The following CSMD1 variants were observed in gnomAD, a reference collection of about 807,000 sequenced individuals.
CSMD1 encodes the protein CUB and Sushi multiple domains 1.
A neutral mutation model predicts 417.5 loss-of-function variants in CSMD1; 213 were observed. The ratio of observed to expected loss-of-function variants is 0.51; its 90% CI spans 0.46 to 0.57. CSMD1 has a LOEUF of 0.57. Among genes scored for constraint, CSMD1 ranks in the 20% least tolerant of loss-of-function variants. The pLI, the probability that CSMD1 is intolerant of heterozygous loss-of-function variation, is 0.00. For missense variants in CSMD1, 6,923 were observed against 4,529.7 expected (o/e 1.53, Z -15.17); for synonymous variants, 2,862 against 1,736.8 (o/e 1.65, Z -16.11).
chr8:3,419,561 C>A (rs2116967981), intron 12 of CSMD1, among the ~76,000 whole-genome samples: 1 of 152,176 alleles, frequency 6.6e-6, no homozygotes, highest in African/African-American at 2.4e-5. Flanking sequence ...CCTCAGCTAA[C>A]TAGGAAATTC....
chr8:4,414,594 A>C (rs2128936594), intron 3 of CSMD1, among the ~76,000 whole-genome samples: 1 of 151,894 alleles, frequency 6.6e-6, no homozygotes, highest in Admixed American at 6.5e-5. Context: ...AAATCAATTC[A>C]GTGATTTTTT....
At chr8:4,316,452 C>T (rs1179148262) in intron 3 of CSMD1, among the ~76,000 whole-genome samples, 3 of 152,078 alleles carry the variant, frequency 2.0e-5, no homozygotes, top group Non-Finnish European at 4.4e-5. Flanking sequence ...CTGTGGTTTT[C>T]GCCATTACTT....
Position 3,118,505 on chromosome 8 carries a change from T to C in CSMD1, c.6324A>G (p.Ser2108=), listed in dbSNP as rs199999898. 67 of 1,613,792 alleles carry C rather than the reference T, an allele frequency of 4.2e-5. No individual in the cohort carries two copies. The highest frequency in any genetic ancestry group is 6.7e-5 in the Admixed American group (4 of 59,998). Residue 2108 remains serine (S), a synonymous_variant, in exon 42 of 70, where the codon TCA becomes TCG. Transcript: ENST00000635120. ...MINSDYSVGQ[S]VSFECYPGYI... is the part of the protein sequence containing the mutation. ...ACCCAGGATAACACTCGAAAGATAC[T>C]GATTGCCCCACGCTGTAATCCGAGT...
chr8:4,207,964 A>T (rs377270203), intron 3 of CSMD1, among the ~76,000 whole-genome samples: 3 of 152,186 alleles, frequency 2.0e-5, no homozygotes, highest in African/African-American at 7.2e-5. Flanking sequence ...TTTAGGCAAT[A>T]TTCATTATAG....
intron 54 of CSMD1, among the ~76,000 whole-genome samples, chr8:2,981,925 T>C (rs1176909569): frequency 6.6e-6 from 1 of 152,074 alleles, no homozygotes; most frequent in Non-Finnish European, 1.5e-5. Context: ...ACCCCACCCC[T>C]TTTTCCTGGA....
At chr8:4,333,230 C>A (rs1799977034) in intron 3 of CSMD1, among the ~76,000 whole-genome samples, 1 of 152,112 alleles carries the variant, frequency 6.6e-6, no homozygotes, top group African/African-American at 2.4e-5. Context: ...TCACACCCTG[C>A]CTAGTGACCC....
At chr8:3,499,823 G>C (rs978772858) in intron 10 of CSMD1, among the ~76,000 whole-genome samples, 1 of 152,084 alleles carries the variant, frequency 6.6e-6, no homozygotes, top group Non-Finnish European at 1.5e-5. Flanking sequence ...GATGCTACTG[G>C]CCCTGTGGGC....
chr8:4,130,546 G>T (rs945883311), intron 3 of CSMD1, among the ~76,000 whole-genome samples: 3 of 152,000 alleles, frequency 2.0e-5, no homozygotes, highest in African/African-American at 7.2e-5. Flanking sequence ...TTCTTTCCTG[G>T]TTCTTTTAAA....
At position 3,343,453 on chromosome 8, in the gene CSMD1, G is replaced by T; in HGVS notation, c.3475-3C>A. 1 of 1,611,098 alleles carries T rather than the reference G, an allele frequency of 6.2e-7. No individual in the cohort carries two copies. The highest frequency in any genetic ancestry group is 1.1e-5 in the South Asian group (1 of 90,890). ...GAACTGTCTTTTCCATCATATACCT[G>T]ATGAAAATTCACAGCATGAGTCCCT... On this transcript the variant is annotated splice_polypyrimidine_tract_variant and splice_region_variant and intron_variant, in intron 22 of 69. Coordinates refer to ENST00000635120, the MANE Select transcript of CSMD1 (RefSeq NM_033225.6).
rs117157474 is a variant in CSMD1 at position 4,187,703 on chromosome 8, G to T, written c.416-155604C>A. ...AAAAAAAAAAAAAAAAAGCATTCAGGAAGTTTATTCTAGTTAGTGTACATT... is the reference window on the plus strand; with the variant it reads ...AAAAAAAAAAAAAAAAAGCATTCAGTAAGTTTATTCTAGTTAGTGTACATT... On this transcript the variant is annotated intron_variant, in intron 3 of 69. Coordinates refer to ENST00000635120, the MANE Select transcript of CSMD1 (RefSeq NM_033225.6). Among the ~76,000 whole-genome samples the T allele has an allele frequency of 3.7e-3, 503 of 135,226 alleles. 24 individuals are homozygous for T. The East Asian group carries it at 0.1, about 28-fold the overall frequency. The allele number at this position is 135,226 out of a possible 152,430, so 88.7% of individuals were successfully genotyped here.
chr8:3,651,179 T>C (rs549291532), intron 7 of CSMD1, among the ~76,000 whole-genome samples: 7 of 152,256 alleles, frequency 4.6e-5, no homozygotes, highest in African/African-American at 1.7e-4. Context: ...TGGTCTCTGT[T>C]CCCTAGAATG....
At chr8:4,481,311 T>C (rs1158377453) in intron 2 of CSMD1, among the ~76,000 whole-genome samples, 1 of 152,260 alleles carries the variant, frequency 6.6e-6, no homozygotes, top group African/African-American at 2.4e-5. Flanking sequence ...TCTTTCCCAT[T>C]TTTAATTATA....
At chr8:4,041,539 A>C (rs913699289) in intron 3 of CSMD1, among the ~76,000 whole-genome samples, 5 of 152,214 alleles carry the variant, frequency 3.3e-5, no homozygotes, top group Non-Finnish European at 7.3e-5. Flanking sequence ...TATTTATGGG[A>C]ATACAAAAAT....
rs1801586498 is a variant in CSMD1, at chr8:2,937,674, G to C, written c.*911C>G. On this transcript the variant is annotated 3_prime_UTR_variant, in exon 70 of 70. Coordinates refer to ENST00000635120, the MANE Select transcript of CSMD1 (RefSeq NM_033225.6). ...GGAGGCTTCTGTTTTTTTCTCATTG[G>C]ACCTCTTCAATGAATTCAACACGTA... 6.6e-6 allele frequency: 1 copy of C among 152,106 alleles called. No individual in the cohort carries two copies. Among genetic ancestry groups the C allele is most frequent in the Non-Finnish European group, 1.5e-5 (1 of 68,020 alleles). 9.4% of individuals were successfully genotyped at this position (152,106 alleles called of 1,614,324 possible).
At chr8:3,049,710 G>C (rs1811689616) in intron 50 of CSMD1, among the ~76,000 whole-genome samples, 1 of 152,056 alleles carries the variant, frequency 6.6e-6, no homozygotes, top group Non-Finnish European at 1.5e-5. Flanking sequence ...TTACACATTT[G>C]TCCAAGCCCA....
chr8:3,188,082 GTATATGTATATA>G, intron 35 of CSMD1, 117 bp from the exon 36 acceptor site: 2 of 327,438 alleles, frequency 6.1e-6, no homozygotes, highest in Non-Finnish European at 1.1e-5. Flanking sequence ...ATATACATAT[GTATATGTATATA>G]TATATACATA....
chr8:4,140,218 T>C (rs895205783), intron 3 of CSMD1, among the ~76,000 whole-genome samples: 18 of 112,946 alleles, frequency 1.6e-4, no homozygotes, highest in Middle Eastern at 9.8e-3. Flanking sequence ...CAAAAATTCA[T>C]CTGGATATGA....
intron 53 of CSMD1, among the ~76,000 whole-genome samples, chr8:2,999,448 C>G (rs1032645142): frequency 2.0e-5 from 3 of 152,168 alleles, no homozygotes; most frequent in South Asian, 2.1e-4. Flanking sequence ...GCCACCACGC[C>G]TGGCCAATTT....
At chr8:3,893,515 C>G (rs1235468274) in intron 5 of CSMD1, among the ~76,000 whole-genome samples, 2 of 151,540 alleles carry the variant, frequency 1.3e-5, no homozygotes, top group African/African-American at 4.8e-5. Context: ...TTTTGTTTTA[C>G]AAATTAAATT....
Sources: gnomAD v4.1 joint callset for allele counts (sites outside exome capture counted in the v4.1 genomes callset) on GRCh38, gnomAD v4.1.1 for gene constraint, MANE v1.5 for transcripts, NCBI Gene and HGNC (gene_info 2026-07-23, HGNC 2026-07-21) for gene names.